Variants in SYNE1 observed in about 807,000 individuals in gnomAD.
SYNE1 encodes the protein spectrin repeat containing nuclear envelope protein 1, also known as nesprin-1.
Under a neutral mutation model 1,111.0 loss-of-function variants are expected in SYNE1, and 616 were observed. The ratio of observed to expected loss-of-function variants is 0.55; its 90% CI spans 0.52 to 0.59. The LOEUF (loss-of-function observed/expected upper bound fraction) is 0.59. SYNE1 is among the 20% of genes least tolerant of loss of function. The pLI is 0.00. For missense variants in SYNE1, 10,006 were observed against 10,417.0 expected, an observed-to-expected ratio of 0.96 and a Z score of 1.72; for synonymous variants, 3,855 against 3,825.8, an observed-to-expected ratio of 1.01 and a Z score of -0.28.
Position 152,145,462 on chromosome 6 carries a change from G to C in SYNE1, c.24977-1697C>G, listed in dbSNP as rs367858712. 11 of 1,610,024 alleles carry C rather than the reference G, an allele frequency of 6.8e-6. No individual in the cohort carries two copies. The Admixed American group carries it at 1.7e-4, about 24-fold the overall frequency. ...ATTGCTATACAGGGGAGGGAGGGAGGCTGGCTCCGGCTTGTTGTGCCTACC... is the reference window on the plus strand; with the variant it reads ...ATTGCTATACAGGGGAGGGAGGGAGCCTGGCTCCGGCTTGTTGTGCCTACC... On this transcript the variant is annotated intron_variant, in intron 137 of 145. Coordinates refer to ENST00000367255, the MANE Select transcript of SYNE1 (RefSeq NM_182961.4).
intron 131 of SYNE1, among the ~76,000 whole-genome samples, chr6:152,158,945 C>G (rs2061882618): frequency 6.6e-6 from 1 of 152,182 alleles, no homozygotes; most frequent in African/African-American, 2.4e-5. Context: ...GTTTTAGGCT[C>G]AGCTTCAACT....
chr6:152,371,845 CAGGAAAGGAAAGGAA>C (rs71017534), intron 59 of SYNE1, among the ~76,000 whole-genome samples: 4,083 of 58,326 alleles, frequency 0.07, 122 homozygotes, highest in East Asian at 0.12. Flanking sequence ...CAGGACAGGA[CAGGAAAGGAAAGGAA>C]AGGAAAGGAA....
chr6:152,566,772 G>C (rs2099414932), intron 3 of SYNE1, among the ~76,000 whole-genome samples: 1 of 152,086 alleles, frequency 6.6e-6, no homozygotes, highest in Non-Finnish European at 1.5e-5. Flanking sequence ...TTGTAAGAGT[G>C]ACTTCCATTA....
At position 152,482,998 on chromosome 6, in the gene SYNE1, C is replaced by T. The variant is rs1253706158; in HGVS notation, c.1350+87G>A. 11 of 1,454,472 alleles carry T rather than the reference C, an allele frequency of 7.6e-6. No homozygotes were observed. In the Admixed American group the frequency reaches 1.7e-4, roughly 22 times the overall value. The allele number at this position is 1,454,472 out of a possible 1,614,324, so 90.1% of individuals were successfully genotyped here. A position where few individuals can be genotyped will look rare whatever the true frequency, so the allele number is the denominator to read the frequency against. The stretch of plus-strand genomic sequence containing the variant: ...CATGTAGAATTAATATTTGGGGCGT[C>T]CCCGCCAGAGCAGGTTGTAACTAGG... On this transcript the variant is annotated intron_variant, in intron 14 of 145. Coordinates refer to ENST00000367255, the MANE Select transcript of SYNE1 (RefSeq NM_182961.4).
chr6:152,634,411 T>C (rs967760337), intron 2 of SYNE1, among the ~76,000 whole-genome samples: 3 of 152,242 alleles, frequency 2.0e-5, no homozygotes, highest in Non-Finnish European at 4.4e-5. Flanking sequence ...GTTTCCCTTC[T>C]ATTCAAGTCT....
At chr6:152,138,552 T>TA (rs1554397460) in intron 140 of SYNE1, among the ~76,000 whole-genome samples, 1 of 135,988 alleles carries the variant, frequency 7.4e-6, no homozygotes, top group Non-Finnish European at 1.6e-5. Flanking sequence ...AATAAATAAA[T>TA]AAATAAAATA....
intron 3 of SYNE1, among the ~76,000 whole-genome samples, chr6:152,560,312 G>A (rs1036844977): frequency 1.3e-5 from 2 of 152,170 alleles, no homozygotes; most frequent in Admixed American, 1.3e-4. Context: ...GTTGCAGTGA[G>A]CTGAGATGGT....
At chr6:152,442,266 G>A in intron 30 of SYNE1, 21 bp from the exon 31 acceptor site, 1 of 1,611,342 alleles carries the variant, frequency 6.2e-7, no homozygotes, top group Non-Finnish European at 8.5e-7. Flanking sequence ...TTATTCAACA[G>A]ATGGATATAA....
At chr6:152,452,854 G>A (rs756437070) in intron 25 of SYNE1, among the ~76,000 whole-genome samples, 74 of 152,274 alleles carry the variant, frequency 4.9e-4, no homozygotes, top group Admixed American at 1.2e-3. Context: ...GGGCCCCCGT[G>A]TCCCGCTTCA....
At chr6:152,342,639 A>G (rs2096555973) in intron 74 of SYNE1, among the ~76,000 whole-genome samples, 1 of 152,254 alleles carries the variant, frequency 6.6e-6, no homozygotes, top group African/African-American at 2.4e-5. Flanking sequence ...AAATTAAATT[A>G]TTAAATACTG....
At chr6:152,314,525 T>C (rs2095649035) in intron 87 of SYNE1, among the ~76,000 whole-genome samples, 2 of 152,134 alleles carry the variant, frequency 1.3e-5, no homozygotes, top group African/African-American at 2.4e-5. Context: ...GCCCTCTGTC[T>C]TTGCACAAAT....
At chr6:152,595,598 T>C (rs1241725927) in intron 3 of SYNE1, among the ~76,000 whole-genome samples, 1 of 152,214 alleles carries the variant, frequency 6.6e-6, no homozygotes, top group African/African-American at 2.4e-5. Flanking sequence ...TTAAAAATGT[T>C]GCCACTAGCT....
chr6:152,254,244 C>T (rs1298979355), intron 104 of SYNE1, among the ~76,000 whole-genome samples: 7 of 73,166 alleles, frequency 9.6e-5, no homozygotes, highest in South Asian at 6.7e-4. Context: ...TCTGCATACT[C>T]TTTTTTTTTT....
intron 105 of SYNE1, among the ~76,000 whole-genome samples, chr6:152,248,938 A>G (rs993774109): frequency 2.0e-5 from 3 of 152,198 alleles, no homozygotes; most frequent in Non-Finnish European, 4.4e-5. Flanking sequence ...AGCATCTGCC[A>G]TGGATACCTT....
intron 78 of SYNE1, among the ~76,000 whole-genome samples, chr6:152,328,214 C>A (rs138666145): frequency 6.6e-6 from 1 of 152,042 alleles, no homozygotes; most frequent in East Asian, 1.9e-4. Flanking sequence ...GATGTGCCCT[C>A]CTCCCAGGCT....
intron 131 of SYNE1, 66 bp downstream of exon 131, chr6:152,164,097 C>T: frequency 1.2e-6 from 2 of 1,600,448 alleles, no homozygotes; most frequent in Middle Eastern, 1.7e-4. Flanking sequence ...ATGCCCACCC[C>T]ATCATCCTGG....
At chr6:152,397,187 T>C (rs2097747255) in intron 49 of SYNE1, among the ~76,000 whole-genome samples, 1 of 152,188 alleles carries the variant, frequency 6.6e-6, no homozygotes, top group African/African-American at 2.4e-5. Flanking sequence ...GGACAAAGTG[T>C]AAACAAGGCT....
intron 11 of SYNE1, among the ~76,000 whole-genome samples, chr6:152,496,370 C>A (rs2098999363): frequency 6.6e-6 from 1 of 152,144 alleles, no homozygotes; most frequent in Non-Finnish European, 1.5e-5. Context: ...AACTTGCCAA[C>A]CAAGCAAATA....
chr6:152,200,074 C>T (rs952439851), intron 127 of SYNE1, among the ~76,000 whole-genome samples: 6 of 152,186 alleles, frequency 3.9e-5, no homozygotes, highest in Non-Finnish European at 7.3e-5. Context: ...TTTCTACCCC[C>T]CCAACTCGAG....
Sources: gnomAD v4.1 joint callset for allele counts (sites outside exome capture counted in the v4.1 genomes callset) on GRCh38, gnomAD v4.1.1 for gene constraint, MANE v1.5 for transcripts, NCBI Gene and HGNC (gene_info 2026-07-23, HGNC 2026-07-21) for gene names.